MLLT3: variants seen among roughly 807,000 people sequenced by gnomAD.
MLLT3 encodes MLLT3 super elongation complex subunit, also known as protein AF-9.
Under a neutral mutation model 53.2 loss-of-function variants are expected in MLLT3, and 4 were observed. The ratio of observed to expected loss-of-function variants is 0.08; its 90% CI spans 0.04 to 0.17. The LOEUF (loss-of-function observed/expected upper bound fraction) is 0.17. MLLT3 is among the 10% of genes least tolerant of loss of function. MLLT3 has a pLI of 1.00. For synonymous variants in MLLT3, 283 were observed against 230.6 expected (o/e 1.23, Z -2.06); for missense variants, 569 against 684.0 (o/e 0.83, Z 1.87).
intron 2 of MLLT3, among the ~76,000 whole-genome samples, chr9:20,480,271 T>A (rs1279489635): frequency 6.6e-6 from 1 of 152,238 alleles, no homozygotes; most frequent in African/African-American, 2.4e-5. Context: ...TGGGGCTTCC[T>A]GAGCCTTTCT....
At chr9:20,542,312 G>A (rs886117583) in intron 2 of MLLT3, among the ~76,000 whole-genome samples, 26 of 146,716 alleles carry the variant, frequency 1.8e-4, no homozygotes, top group African/African-American at 5.5e-4. Context: ...CCGCAGTGGC[G>A]CAATCTCGGC....
chr9:20,360,410 A>C (rs142263238), intron 8 of MLLT3, among the ~76,000 whole-genome samples: 1 of 152,238 alleles, frequency 6.6e-6, no homozygotes, highest in Non-Finnish European at 1.5e-5. Context: ...CCCAAAGGTC[A>C]TATTCTTCCT....
intron 2 of MLLT3, among the ~76,000 whole-genome samples, chr9:20,549,791 T>C (rs1818882858): frequency 1.3e-5 from 2 of 152,190 alleles, no homozygotes; most frequent in African/African-American, 2.4e-5. Context: ...ACATGAAAAC[T>C]TCTTTCCACA....
At chr9:20,393,339 T>C (rs908530326) in intron 5 of MLLT3, among the ~76,000 whole-genome samples, 1 of 152,170 alleles carries the variant, frequency 6.6e-6, no homozygotes, top group African/African-American at 2.4e-5. Context: ...GGAAACACTA[T>C]AGGACTTACC....
At chr9:20,469,772 T>C (rs543083241) in intron 2 of MLLT3, among the ~76,000 whole-genome samples, 1 of 152,100 alleles carries the variant, frequency 6.6e-6, no homozygotes, top group Non-Finnish European at 1.5e-5. Flanking sequence ...CATAATAACT[T>C]TCACTGAGTC....
At chr9:20,370,007 C>G (rs188470610) in intron 5 of MLLT3, among the ~76,000 whole-genome samples, 9 of 152,234 alleles carry the variant, frequency 5.9e-5, no homozygotes, top group African/African-American at 1.7e-4. Flanking sequence ...TGTAAAATAT[C>G]AAAATTCTCA....
intron 2 of MLLT3, among the ~76,000 whole-genome samples, chr9:20,616,212 A>C (rs1820830747): frequency 1.3e-5 from 2 of 152,172 alleles, no homozygotes; most frequent in South Asian, 4.1e-4. Context: ...GCAAATGAGA[A>C]AAGAGACACA....
chr9:20,415,515 C>T (rs372590336), intron 4 of MLLT3: 1 of 763,638 alleles, frequency 1.3e-6, no homozygotes, highest in Non-Finnish European at 1.6e-6. Flanking sequence ...CACATCAATA[C>T]TAAAAGAAGA....
At chr9:20,547,107 C>T (rs1207882212) in intron 2 of MLLT3, among the ~76,000 whole-genome samples, 2 of 152,132 alleles carry the variant, frequency 1.3e-5, no homozygotes, top group African/African-American at 2.4e-5. Context: ...ATACTGGTGA[C>T]ATTAACATAA....
intron 4 of MLLT3, among the ~76,000 whole-genome samples, chr9:20,447,733 TTTC>T (rs1823740322): frequency 6.6e-6 from 1 of 152,166 alleles, no homozygotes; most frequent in Admixed American, 6.6e-5. Context: ...AAAATTTGGA[TTTC>T]TTTTTATATA....
Position 20,621,509 on chromosome 9 carries a change from AC to A in MLLT3, c.13-676del, listed in dbSNP as rs1213308037. Among the ~76,000 whole-genome samples the A allele has an allele frequency of 1.3e-5, 2 of 149,656 alleles. No homozygotes were observed. The highest frequency in any genetic ancestry group is 2.0e-4 in the East Asian group (1 of 5,050). ...GCATCCATAACTTAGAGCACCCCGC[AC>A]CCCCCAGCGAAAAGCCCCACGCGAT... On this transcript the variant is annotated intron_variant, in intron 1 of 10. Transcript: ENST00000380338. The surrounding 1 kb of genome is among the most constrained non-coding windows in gnomAD (Gnocchi z 7.0).
intron 2 of MLLT3, among the ~76,000 whole-genome samples, chr9:20,546,487 T>A (rs909693151): frequency 2.7e-5 from 4 of 150,848 alleles, no homozygotes; most frequent in African/African-American, 9.8e-5. Context: ...AAGGCTGCAG[T>A]GAGCTCTGAT....
intron 5 of MLLT3, among the ~76,000 whole-genome samples, chr9:20,399,141 A>G (rs1341373389): frequency 1.3e-5 from 2 of 152,154 alleles, no homozygotes; most frequent in Admixed American, 1.3e-4. Flanking sequence ...TGAGAGGGCC[A>G]AGACTTGTCT....
At chr9:20,610,772 G>T (rs1047627983) in intron 2 of MLLT3, among the ~76,000 whole-genome samples, 1 of 152,108 alleles carries the variant, frequency 6.6e-6, no homozygotes, top group East Asian at 1.9e-4. Flanking sequence ...CACATAACAC[G>T]TGCTGCTTTG....
chr9:20,508,277 C>T (rs548804123), intron 2 of MLLT3, among the ~76,000 whole-genome samples: 1 of 152,292 alleles, frequency 6.6e-6, no homozygotes, highest in Admixed American at 6.5e-5. Flanking sequence ...CACATTCCGC[C>T]CTTCCCCTTT....
chr9:20,355,267 C>CA (rs1237001776), intron 8 of MLLT3, among the ~76,000 whole-genome samples: 3 of 152,104 alleles, frequency 2.0e-5, no homozygotes, highest in African/African-American at 7.2e-5. Context: ...TCTGCTGTTT[C>CA]AGCATGACTA....
chr9:20,516,002 G>A (rs1009657161), intron 2 of MLLT3, among the ~76,000 whole-genome samples: 4 of 152,152 alleles, frequency 2.6e-5, no homozygotes, highest in Admixed American at 6.5e-5. Context: ...TGTGCCATGG[G>A]AGCATAACAC....
chr9:20,424,741 T>C (rs925244776), intron 4 of MLLT3, among the ~76,000 whole-genome samples: 5 of 152,180 alleles, frequency 3.3e-5, no homozygotes, highest in South Asian at 2.1e-4. Context: ...TTTTCAACTT[T>C]TGGAAACTAA....
intron 2 of MLLT3, among the ~76,000 whole-genome samples, chr9:20,590,948 C>G (rs1214606522): frequency 2.0e-5 from 3 of 151,738 alleles, no homozygotes; most frequent in African/African-American, 7.3e-5. Context: ...TGGGGTCTTC[C>G]TACATTGCCT....
Sources: allele counts gnomAD v4.1 joint callset (sites outside exome capture counted in the v4.1 genomes callset), GRCh38; gene constraint gnomAD v4.1.1; non-coding constraint Gnocchi (gnomAD v3.1); transcripts MANE v1.5; gene names NCBI Gene and HGNC (gene_info 2026-07-23, HGNC 2026-07-21).